TRIM48: variants seen among roughly 807,000 people sequenced by gnomAD.
The protein encoded by TRIM48 is tripartite motif containing 48.
Under a neutral mutation model 29.5 loss-of-function variants are expected in TRIM48, and 31 were observed. That is an observed-to-expected ratio of 1.05 (90% CI 0.79 to 1.42). The LOEUF (loss-of-function observed/expected upper bound fraction) is 1.42, where lower values mean the gene tolerates loss of function less well. Ranked by LOEUF, TRIM48 falls within the 40% of genes most tolerant of loss-of-function variation. The probability of loss-of-function intolerance (pLI) is 0.00; values close to 1 mark genes in which losing one functional copy is unlikely to be tolerated. For synonymous variants in TRIM48, 128 were observed against 90.6 expected (o/e 1.41, Z -2.34); for missense variants, 344 against 265.0 (o/e 1.30, Z -2.07).
rs1347912163 is a variant in TRIM48 at position 55,264,487 on chromosome 11, G to A, written c.45-413G>A. 2.6e-4 allele frequency among the ~76,000 whole-genome samples: 39 copies of A among 147,986 alleles called. 2 individuals are homozygous for A. The highest frequency in any genetic ancestry group is 9.2e-4 in the African/African-American group (37 of 40,408). ...TCAAAATATATCATAGGACCCTCTA[G>A]CCATCTTCTCGTATTTCTTTGGCCA... On this transcript the variant is annotated intron_variant, in intron 1 of 5. Coordinates refer to ENST00000417545, the MANE Select transcript of TRIM48 (RefSeq NM_024114.5).
At chr11:55,267,522 T>A in intron 3 of TRIM48, 1 of 1,578,370 alleles carries the variant, frequency 6.3e-7, no homozygotes, top group Admixed American at 1.7e-5. Flanking sequence ...GGAAAAGATA[T>A]TTTTCATCAA....
Position 55,268,377 on chromosome 11 carries a change from G to C in TRIM48, c.578+5G>C, listed in dbSNP as rs769931897. On this transcript the variant is annotated splice_donor_5th_base_variant and intron_variant, in intron 4 of 5. Transcript: ENST00000417545. ...TTTTGGAGACATATTATACAGGTGA[G>C]TATGTACCTGGATTTTAGCATATGT... The C allele has an allele frequency of 6.5e-7, 1 of 1,550,060 alleles. No homozygotes were observed. Among genetic ancestry groups the C allele is most frequent in the Non-Finnish European group, 8.8e-7 (1 of 1,141,112 alleles).
chr11:55,267,649 G>T, intron 3 of TRIM48: 3 of 1,564,838 alleles, frequency 1.9e-6, no homozygotes, highest in Non-Finnish European at 1.7e-6. Context: ...GTACAAACTC[G>T]CAATGTGGTT....
rs1327299122 is a variant in TRIM48 at position 55,266,570 on chromosome 11, G to T, written c.555+875G>T. On this transcript the variant is annotated intron_variant, in intron 3 of 5. Coordinates refer to ENST00000417545, the MANE Select transcript of TRIM48 (RefSeq NM_024114.5). ...TGTGTTCGAGTGTGGTAAGTTCTTT[G>T]TTGGAGAATAATCAAGCAGGGAAGT... Among the ~76,000 whole-genome samples, 3 of 147,686 alleles carry T rather than the reference G, an allele frequency of 2.0e-5. 1 individual carries two copies. The highest frequency in any genetic ancestry group is 4.8e-4 in the South Asian group (2 of 4,132).
rs184872086 is a variant in TRIM48 at position 55,270,970 on chromosome 11, T to C, written c.*535T>C. 4.1e-3 allele frequency: 6,351 copies of C among 1,535,570 alleles called. 574 individuals are homozygous for C. The highest frequency in any genetic ancestry group is 5.1e-3 in the Non-Finnish European group (5,787 of 1,136,142). On this transcript the variant is annotated 3_prime_UTR_variant, in exon 6 of 6. Coordinates refer to ENST00000417545, the MANE Select transcript of TRIM48 (RefSeq NM_024114.5). ...AAATCAGAAATGTGTTCATCTGCTGTGGGAACCCCTTTATCCCAGAAAGCC... is the reference window on the plus strand; with the variant it reads ...AAATCAGAAATGTGTTCATCTGCTGCGGGAACCCCTTTATCCCAGAAAGCC...
At position 55,265,760 on chromosome 11, in the gene TRIM48, T is replaced by G. The variant is rs1419748701; in HGVS notation, c.555+65T>G. 1.1e-5 allele frequency: 16 copies of G among 1,418,338 alleles called. 2 individuals carry two copies. The highest frequency in any genetic ancestry group is 1.2e-5 in the Non-Finnish European group (13 of 1,059,966). 87.9% of individuals were successfully genotyped at this position (1,418,338 alleles called of 1,614,324 possible). Reference sequence around the variant, plus strand: ...GTGGGCAAATGGGTGACTCTTAAAATAGGAACTTGATATCAAACCGTAATG... The same window carrying G: ...GTGGGCAAATGGGTGACTCTTAAAAGAGGAACTTGATATCAAACCGTAATG... On this transcript the variant is annotated intron_variant, in intron 3 of 5. Transcript: ENST00000417545.
rs550147136 is a variant in TRIM48, at chr11:55,268,418, G to A, written c.578+46G>A. 2.7e-5 allele frequency: 41 copies of A among 1,495,890 alleles called. 8 individuals carry two copies. In the East Asian group the frequency reaches 9.1e-4, roughly 33 times the overall value. The allele number at this position is 1,495,890 out of a possible 1,614,324, so 92.7% of individuals were successfully genotyped here. A position where few individuals can be genotyped will look rare whatever the true frequency, so the allele number is the denominator to read the frequency against. ...TAGCATATGTTCTTTCACTTTCCAC[G>A]AATATCAAAGCAGGCTCTACCAAAG... On this transcript the variant is annotated intron_variant, in intron 4 of 5. Coordinates refer to ENST00000417545, the MANE Select transcript of TRIM48 (RefSeq NM_024114.5).
Position 55,263,631 on chromosome 11 carries a change from C to T in TRIM48, c.45-1269C>T, listed in dbSNP as rs541954317. Among the ~76,000 whole-genome samples the T allele has an allele frequency of 3.7e-4, 57 of 152,246 alleles. 1 individual carries two copies. Among genetic ancestry groups the T allele is most frequent in the African/African-American group, 1.3e-3 (54 of 41,550 alleles). On this transcript the variant is annotated intron_variant, in intron 1 of 5. Coordinates refer to ENST00000417545, the MANE Select transcript of TRIM48 (RefSeq NM_024114.5). ...GAGCCGAGATTGCACCACTGCACTC[C>T]AGCCTGGGTGACACAGTGAGTCCCC... is the stretch of plus-strand genomic sequence containing the variant.
Position 55,265,295 on chromosome 11 carries a change from G to T in TRIM48, c.440G>T (p.Trp147Leu). 2.5e-6 allele frequency: 4 copies of T among 1,582,196 alleles called. 1 individual carries two copies. Among genetic ancestry groups the T allele is most frequent in the Non-Finnish European group, 3.4e-6 (4 of 1,166,054 alleles). ...TATCACAGACACTGTCCCGCTGAGT[G>T]GGCTGCTGAGGAACACTGGGTAAGT... ...HRYHRHCPAE[W>L]AAEEHWEKLL... is the part of the protein sequence containing the mutation. The change falls in exon 2 of 6, where the codon TGG becomes TTG. Residue 147 changes from tryptophan (W) to leucine (L), a missense_variant. Transcript: ENST00000417545.
rs759954923 is a variant in TRIM48 at position 55,268,085 on chromosome 11, G to T, written c.556-265G>T. Among the ~76,000 whole-genome samples, 5 of 147,708 alleles carry T rather than the reference G, an allele frequency of 3.4e-5. 1 individual carries two copies. The highest frequency in any genetic ancestry group is 6.0e-5 in the Non-Finnish European group (4 of 66,876). On this transcript the variant is annotated intron_variant, in intron 3 of 5. Transcript: ENST00000417545. ...AAGATGACCGAGTAGGTTATTCGAG[G>T]TTACCATGGAGCATAGACTCTCTGG...
rs1857469715 is a variant in TRIM48, at chr11:55,270,639, T to C, written c.*204T>C. 1.3e-6 allele frequency: 2 copies of C among 1,581,180 alleles called. 1 individual carries two copies. The highest frequency in any genetic ancestry group is 2.7e-5 in the African/African-American group (2 of 73,326). On this transcript the variant is annotated 3_prime_UTR_variant, in exon 6 of 6. Transcript: ENST00000417545. ...ATGTGGGGGACTCTTGGAATTGGGC[T>C]TTTGGTGTCTGTAATAAGTATTGGA...
At chr11:55,268,716 G>T (rs1256691454) in intron 4 of TRIM48, among the ~76,000 whole-genome samples, 1 of 147,648 alleles carries the variant, frequency 6.8e-6, no homozygotes, top group Non-Finnish European at 1.5e-5. Flanking sequence ...AAAAGTTGAT[G>T]ATTTGTTGTT....
At chr11:55,264,139 G>A (rs887335624) in intron 1 of TRIM48, among the ~76,000 whole-genome samples, 1 of 121,206 alleles carries the variant, frequency 8.3e-6, no homozygotes, top group African/African-American at 2.9e-5. Context: ...ACCTCTTTAA[G>A]TTTAACAAAA....
At position 55,268,270 on chromosome 11, in the gene TRIM48, G is replaced by A. The variant is rs1857423036; in HGVS notation, c.556-80G>A. The stretch of plus-strand genomic sequence containing the variant: ...TAGGGAAATAATATCTTGAGGAACT[G>A]ACTCCAAATTTCACACTGAACTTAA... On this transcript the variant is annotated intron_variant, in intron 3 of 5. Coordinates refer to ENST00000417545, the MANE Select transcript of TRIM48 (RefSeq NM_024114.5). 2.4e-6 allele frequency: 3 copies of A among 1,242,794 alleles called. 1 individual carries two copies. In the East Asian group the frequency reaches 8.1e-5, roughly 33 times the overall value. The allele number at this position is 1,242,794 out of a possible 1,614,324, so 77.0% of individuals were successfully genotyped here.
Position 55,270,869 on chromosome 11 carries a change from T to C in TRIM48, c.*434T>C. 1 of 1,564,574 alleles carries C rather than the reference T, an allele frequency of 6.4e-7. No homozygotes were observed. Among genetic ancestry groups the C allele is most frequent in the Non-Finnish European group, 8.7e-7 (1 of 1,150,104 alleles). Reference sequence around the variant, plus strand: ...GTTGATGTTAGTCAAAGCTCCCCTATATACACCATCCCTAATTGCTCCTTC... The same window carrying C: ...GTTGATGTTAGTCAAAGCTCCCCTACATACACCATCCCTAATTGCTCCTTC... On this transcript the variant is annotated 3_prime_UTR_variant, in exon 6 of 6. Transcript: ENST00000417545.
In TRIM48 at chr11:55,265,491, C is replaced by T. The variant is rs769100798; in HGVS notation, c.460-109C>T. The stretch of plus-strand genomic sequence containing the variant: ...GGAAGAAGTGAAACAGAAGAAATGC[C>T]ATTTACTAGGGACTTATTTGTCTCT... On this transcript the variant is annotated intron_variant, in intron 2 of 5. Transcript: ENST00000417545. The T allele has an allele frequency of 7.9e-4, 1,163 of 1,478,514 alleles. 68 individuals carry two copies. Among genetic ancestry groups the T allele is most frequent in the Non-Finnish European group, 1.0e-3 (1,092 of 1,091,184 alleles). The allele number at this position is 1,478,514 out of a possible 1,614,324, so 91.6% of individuals were successfully genotyped here.
intron 1 of TRIM48, among the ~76,000 whole-genome samples, chr11:55,264,046 T>C (rs1302961139): frequency 6.6e-6 from 1 of 152,108 alleles, no homozygotes; most frequent in Non-Finnish European, 1.5e-5. Context: ...CCAGAAACAA[T>C]GCTGCACCAT....
rs939158701 is a variant in TRIM48 at position 55,266,399 on chromosome 11, T to A, written c.555+704T>A. Among the ~76,000 whole-genome samples, 9 of 147,588 alleles carry A rather than the reference T, an allele frequency of 6.1e-5. 1 individual carries two copies. The highest frequency in any genetic ancestry group is 1.3e-4 in the Non-Finnish European group (9 of 66,932). ...TAGCTAATATTAGTGTGTTGAAAAG[T>A]ATTTCATAAGAACCTAGTCTATGTT... On this transcript the variant is annotated intron_variant, in intron 3 of 5. Transcript: ENST00000417545.
Position 55,265,576 on chromosome 11 carries a change from C to T in TRIM48, c.460-24C>T, listed in dbSNP as rs1236073726. On this transcript the variant is annotated intron_variant, in intron 2 of 5. Coordinates refer to ENST00000417545, the MANE Select transcript of TRIM48 (RefSeq NM_024114.5). ...TGTTACTTTATTGTCTTCACTGGTG[C>T]TTCAATTTATGGCTCTTTTGCAGGA... is the stretch of plus-strand genomic sequence containing the variant. 1.5e-5 allele frequency: 24 copies of T among 1,575,884 alleles called. 3 individuals carry two copies. Among genetic ancestry groups the T allele is most frequent in the East Asian group, 2.4e-5 (1 of 41,198 alleles).
Sources: gnomAD v4.1 joint callset for allele counts (sites outside exome capture counted in the v4.1 genomes callset) on GRCh38, gnomAD v4.1.1 for gene constraint, MANE v1.5 for transcripts, NCBI Gene and HGNC (gene_info 2026-07-23, HGNC 2026-07-21) for gene names.